OR4N2: variants seen among roughly 807,000 people sequenced by gnomAD.
OR4N2 encodes the protein olfactory receptor family 4 subfamily N member 2, also known as olfactory receptor 4N2.
For synonymous variants in OR4N2, 141 were observed against 140.4 expected (o/e 1.00, Z -0.03); for missense variants, 307 against 377.6 (o/e 0.81, Z 1.55).
intron 1 of OR4N2, among the ~76,000 whole-genome samples, chr14:19,804,741 C>A (rs939826036): frequency 6.6e-6 from 1 of 152,120 alleles, no homozygotes; most frequent in African/African-American, 2.4e-5. Flanking sequence ...AGCTCAGTCC[C>A]GAATCTCTTT....
rs961462461 is a variant in OR4N2, at chr14:19,809,790, C to A, written c.-10+5946C>A. Among the ~76,000 whole-genome samples the A allele has an allele frequency of 7.6e-4, 116 of 152,202 alleles. 1 individual carries two copies. The highest frequency in any genetic ancestry group is 1.3e-3 in the Non-Finnish European group (90 of 68,022). ...CAATAAATGGTGCTGGGATAATGGG[C>A]AAGCCACATGCAAAAGACTGAAATG... is the stretch of plus-strand genomic sequence containing the variant. On this transcript the variant is annotated intron_variant, in intron 1 of 1. Coordinates refer to ENST00000557677, the MANE Select transcript of OR4N2 (RefSeq NM_001004723.3).
intron 1 of OR4N2, among the ~76,000 whole-genome samples, chr14:19,805,207 A>T (rs1294453215): frequency 6.6e-6 from 1 of 151,958 alleles, no homozygotes; most frequent in African/African-American, 2.4e-5. Context: ...AAGGTCATTC[A>T]AGGTTAGATT....
intron 1 of OR4N2, among the ~76,000 whole-genome samples, chr14:19,825,428 C>T (rs767389383): frequency 2.0e-5 from 3 of 152,200 alleles, no homozygotes; most frequent in Non-Finnish European, 2.9e-5. Flanking sequence ...CTTCCCTCAT[C>T]CTATATCTTC....
At chr14:19,824,208 A>G (rs1363017687) in intron 1 of OR4N2, among the ~76,000 whole-genome samples, 1 of 152,178 alleles carries the variant, frequency 6.6e-6, no homozygotes, top group African/African-American at 2.4e-5. Context: ...TTTTGGCAGA[A>G]ACTTATTTTA....
chr14:19,805,585 T>C (rs1373074717), intron 1 of OR4N2, among the ~76,000 whole-genome samples: 3 of 152,124 alleles, frequency 2.0e-5, no homozygotes, highest in African/African-American at 4.8e-5. Context: ...CTGAGAAAGA[T>C]TACATAAAGA....
intron 1 of OR4N2, among the ~76,000 whole-genome samples, chr14:19,820,604 C>T (rs781196513): frequency 2.0e-4 from 30 of 152,360 alleles, no homozygotes; most frequent in Non-Finnish European, 3.7e-4. Context: ...GGGGACGCTG[C>T]CTTTCTTTCA....
chr14:19,825,854 G>A (rs1203785422), intron 1 of OR4N2, among the ~76,000 whole-genome samples: 2 of 152,128 alleles, frequency 1.3e-5, no homozygotes, highest in Non-Finnish European at 2.9e-5. Flanking sequence ...CATCGTGCCC[G>A]GCCGCTAGAG....
chr14:19,810,286 C>T (rs934022275), intron 1 of OR4N2, among the ~76,000 whole-genome samples: 4 of 152,290 alleles, frequency 2.6e-5, no homozygotes, highest in East Asian at 1.9e-4. Flanking sequence ...AAAACCACAA[C>T]GAGATACCAA....
At chr14:19,810,310 G>A (rs1208477302) in intron 1 of OR4N2, among the ~76,000 whole-genome samples, 1 of 152,214 alleles carries the variant, frequency 6.6e-6, no homozygotes, top group Admixed American at 6.5e-5. Flanking sequence ...ACAGCAGTGA[G>A]AATGATTATT....
chr14:19,818,626 G>A (rs1333119070), intron 1 of OR4N2, among the ~76,000 whole-genome samples: 1 of 152,082 alleles, frequency 6.6e-6, no homozygotes, highest in African/African-American at 2.4e-5. Flanking sequence ...TGGGTCTTGA[G>A]TCTCTATCCA....
intron 1 of OR4N2, among the ~76,000 whole-genome samples, chr14:19,815,645 G>A (rs1221950213): frequency 8.3e-6 from 1 of 120,696 alleles, no homozygotes; most frequent in Non-Finnish European, 1.9e-5. Flanking sequence ...CTGATGAGAG[G>A]TTTTTTTTTG....
At chr14:19,810,033 G>A (rs1388926738) in intron 1 of OR4N2, among the ~76,000 whole-genome samples, 2 of 152,216 alleles carry the variant, frequency 1.3e-5, no homozygotes. Context: ...CTTCTGCAGA[G>A]CAGAATGAAC....
chr14:19,817,342 G>T (rs1196303646), intron 1 of OR4N2, among the ~76,000 whole-genome samples: 2 of 152,192 alleles, frequency 1.3e-5, no homozygotes, highest in Non-Finnish European at 2.9e-5. Context: ...TGGTTGGTAG[G>T]CTATTAATTA....
intron 1 of OR4N2, among the ~76,000 whole-genome samples, chr14:19,812,329 C>CTTTTCT (rs1555328226): frequency 7.7e-5 from 9 of 117,414 alleles, no homozygotes; most frequent in South Asian, 2.6e-4. Context: ...CTTTTCTTTT[C>CTTTTCT]TTTTTTTTTT....
chr14:19,820,690 C>T (rs1879543356), intron 1 of OR4N2, among the ~76,000 whole-genome samples: 1 of 152,250 alleles, frequency 6.6e-6, no homozygotes. Context: ...GTGGGGGGCT[C>T]TGCCCAGTTC....
At chr14:19,826,236 A>G (rs1369047825) in intron 1 of OR4N2, among the ~76,000 whole-genome samples, 1 of 152,270 alleles carries the variant, frequency 6.6e-6, no homozygotes, top group Non-Finnish European at 1.5e-5. Context: ...AATTTTAAAT[A>G]TGAATTTTCT....
rs185298268 is a variant in OR4N2, at chr14:19,809,898, C to T, written c.-10+6054C>T. 6.0e-4 allele frequency among the ~76,000 whole-genome samples: 91 copies of T among 152,240 alleles called. No individual in the cohort carries two copies. The East Asian group carries it at 7.0e-3, about 12-fold the overall frequency. ...GTAAAACCCCAAACTGTAAAAACCC[C>T]AGAAGATAACCTAGGAAATTCCATT... On this transcript the variant is annotated intron_variant, in intron 1 of 1. Coordinates refer to ENST00000557677, the MANE Select transcript of OR4N2 (RefSeq NM_001004723.3).
At chr14:19,811,772 T>G (rs1188503266) in intron 1 of OR4N2, among the ~76,000 whole-genome samples, 1 of 152,222 alleles carries the variant, frequency 6.6e-6, no homozygotes, top group East Asian at 1.9e-4. Flanking sequence ...AAATTCTAAG[T>G]AGATTGGAAA....
rs10149365 is a variant in OR4N2, at chr14:19,828,351, G to A, written c.903G>A (p.Val301=). The part of the protein sequence containing the change: ...NQEVKASMKK[V]FNKHIA ...AAGTGAAAGCTTCCATGAAAAAGGTGTTTAATAAGCACATAGCCTGAAAAA... is the reference window on the plus strand; with the variant it reads ...AAGTGAAAGCTTCCATGAAAAAGGTATTTAATAAGCACATAGCCTGAAAAA... The change falls in exon 2 of 2, where the codon GTG becomes GTA. Residue 301 remains valine (V), a synonymous_variant. Transcript: ENST00000557677. 0.059 allele frequency: 94,022 copies of A among 1,592,368 alleles called. 1,088 individuals are homozygous for A. Among genetic ancestry groups the A allele is most frequent in the Non-Finnish European group, 0.066 (76,716 of 1,163,798 alleles).
Sources: allele counts gnomAD v4.1 joint callset (sites outside exome capture counted in the v4.1 genomes callset), GRCh38; gene constraint gnomAD v4.1.1; transcripts MANE v1.5; gene names NCBI Gene and HGNC (gene_info 2026-07-23, HGNC 2026-07-21).